ARHGAP12: variants seen among roughly 807,000 people sequenced by gnomAD.
ARHGAP12 encodes the protein rho GTPase-activating protein 12.
ARHGAP12 carries 64 observed loss-of-function variants against 108.6 expected under a neutral mutation model. That is an observed-to-expected ratio of 0.59 (90% CI 0.48 to 0.73). The LOEUF is 0.73. ARHGAP12 is among the 30% of genes least tolerant of loss of function. ARHGAP12 has a pLI of 0.00. For synonymous variants in ARHGAP12, 312 were observed against 337.2 expected, an observed-to-expected ratio of 0.93 and a Z score of 0.82; for missense variants, 940 against 1,005.9, an observed-to-expected ratio of 0.93 and a Z score of 0.89.
At chr10:31,918,695 G>C (rs1037965387) in intron 1 of ARHGAP12, among the ~76,000 whole-genome samples, 1 of 152,208 alleles carries the variant, frequency 6.6e-6, no homozygotes, top group African/African-American at 2.4e-5. Context: ...AACAGAGTGA[G>C]ACCCTGTCTC....
chr10:31,926,152 T>A (rs1840029663), intron 1 of ARHGAP12, among the ~76,000 whole-genome samples: 1 of 152,144 alleles, frequency 6.6e-6, no homozygotes, highest in South Asian at 2.1e-4. Flanking sequence ...AGCACTAGAT[T>A]ATCAACAGGG....
At chr10:31,849,499 G>T (rs904320228) in intron 6 of ARHGAP12, among the ~76,000 whole-genome samples, 2 of 152,138 alleles carry the variant, frequency 1.3e-5, no homozygotes, top group Admixed American at 6.5e-5. Context: ...CTGCATGGGG[G>T]TTACAAGCTT....
chr10:31,823,476 CAA>C (rs529281463), intron 11 of ARHGAP12, among the ~76,000 whole-genome samples: 14 of 128,038 alleles, frequency 1.1e-4, no homozygotes, highest in East Asian at 2.2e-4. Flanking sequence ...CACTCTCTGC[CAA>C]AAAAAAAAAA....
intron 10 of ARHGAP12, among the ~76,000 whole-genome samples, chr10:31,827,803 AC>A (rs1164932865): frequency 0.035 from 5,197 of 149,146 alleles, 383 homozygotes; most frequent in African/African-American, 0.12. Context: ...AGAAAAAAAA[AC>A]AAAAACAAAA....
intron 11 of ARHGAP12, among the ~76,000 whole-genome samples, chr10:31,825,073 T>C (rs928894315): frequency 6.6e-6 from 1 of 152,106 alleles, no homozygotes; most frequent in African/African-American, 2.4e-5. Context: ...TCATTTCCAC[T>C]GGAATGGCTG....
chr10:31,840,308 T>G (rs946112292), intron 7 of ARHGAP12, among the ~76,000 whole-genome samples: 2 of 151,890 alleles, frequency 1.3e-5, no homozygotes, highest in African/African-American at 4.8e-5. Context: ...AAAAAAAATT[T>G]TAATGTCTAA....
chr10:31,885,411 T>C (rs1838154896), intron 3 of ARHGAP12, among the ~76,000 whole-genome samples: 1 of 152,220 alleles, frequency 6.6e-6, no homozygotes, highest in Admixed American at 6.5e-5. Context: ...TCAGTCAGAA[T>C]AGCCTCTGGC....
intron 6 of ARHGAP12, among the ~76,000 whole-genome samples, chr10:31,851,013 G>A (rs1402365291): frequency 6.6e-6 from 1 of 152,066 alleles, no homozygotes; most frequent in Non-Finnish European, 1.5e-5. Flanking sequence ...TTTTTATTTG[G>A]ATCTTTTTCA....
intron 3 of ARHGAP12, among the ~76,000 whole-genome samples, chr10:31,881,083 T>A (rs1214508206): frequency 6.6e-6 from 1 of 151,540 alleles, no homozygotes; most frequent in Non-Finnish European, 1.5e-5. Context: ...CAGGTGATTC[T>A]CCTACCTCAG....
At chr10:31,847,683 T>C (rs904349159) in intron 6 of ARHGAP12, among the ~76,000 whole-genome samples, 18 of 152,174 alleles carry the variant, frequency 1.2e-4, no homozygotes, top group South Asian at 4.2e-4. Context: ...ATTTAGTGCA[T>C]AGGGAGGATG....
At chr10:31,885,536 T>TG (rs1160256918) in intron 3 of ARHGAP12, among the ~76,000 whole-genome samples, 3 of 151,980 alleles carry the variant, frequency 2.0e-5, no homozygotes, top group Non-Finnish European at 4.4e-5. Context: ...AACAGACAAA[T>TG]GGCCAGGCAT....
chr10:31,926,062 G>C (rs1840024474), intron 1 of ARHGAP12, among the ~76,000 whole-genome samples: 1 of 152,160 alleles, frequency 6.6e-6, no homozygotes, highest in African/African-American at 2.4e-5. Context: ...GCAGTGGTCT[G>C]TGGTCTGGCA....
At position 31,908,368 on chromosome 10, in the gene ARHGAP12, G is replaced by A. The variant is rs759369043; in HGVS notation, c.488C>T (p.Ser163Leu). Residue 163 changes from serine (S) to leucine (L), a missense_variant, in exon 3 of 20, where the codon TCA becomes TTA. Coordinates refer to ENST00000344936, the MANE Select transcript of ARHGAP12 (RefSeq NM_018287.7). Reference sequence around the variant, plus strand: ...CTGGCTGGAAACTTTAGGAGAATGTGAGTCATTGTTAAACTTTCCGTTATT... The same window carrying A: ...CTGGCTGGAAACTTTAGGAGAATGTAAGTCATTGTTAAACTTTCCGTTATT... ...THNNGKFNND[S>L]HSPKVSSQNR... is the part of the protein sequence containing the mutation. 3.1e-6 allele frequency: 5 copies of A among 1,614,180 alleles called. No individual in the cohort carries two copies. The highest frequency in any genetic ancestry group is 1.6e-4 in the Middle Eastern group (1 of 6,062).
intron 2 of ARHGAP12, among the ~76,000 whole-genome samples, chr10:31,909,278 A>G (rs1230630006): frequency 6.6e-6 from 1 of 152,168 alleles, no homozygotes; most frequent in Non-Finnish European, 1.5e-5. Flanking sequence ...AATAACTAAT[A>G]TGCATTTACT....
Position 31,812,691 on chromosome 10 carries a change from T to C in ARHGAP12, c.1951+16A>G. 6.7e-7 allele frequency: 1 copy of C among 1,496,722 alleles called. No homozygotes were observed. The highest frequency in any genetic ancestry group is 1.2e-5 in the South Asian group (1 of 84,848). 92.7% of individuals were successfully genotyped at this position (1,496,722 alleles called of 1,614,324 possible). On this transcript the variant is annotated intron_variant, in intron 15 of 19. Transcript: ENST00000344936. ...GGCCAACATTCATTATTATCAACAA[T>C]ACTTCTCCTACCAACCTTTAATATA...
rs1215262991 is a variant in ARHGAP12, at chr10:31,908,726, T to C, written c.130A>G (p.Lys44Glu). 1 of 1,614,154 alleles carries C rather than the reference T, an allele frequency of 6.2e-7. No homozygotes were observed. Among genetic ancestry groups the C allele is most frequent in the South Asian group, 1.1e-5 (1 of 91,086 alleles). ...IKQGERYILV[K>E]KTNDDWWQVK... ...TGCCACCAGTCATCATTGGTCTTTT[T>C]CACCAAGATGTACCTCTCCCCTTGT... The change falls in exon 3 of 20, where the codon AAA becomes GAA. Residue 44 changes from lysine to glutamate, a missense_variant. Lys to Glu is a moderately conservative substitution (Grantham distance 56). Transcript: ENST00000344936.
intron 16 of ARHGAP12, among the ~76,000 whole-genome samples, chr10:31,810,302 C>CCT (rs765600147): frequency 1.3e-5 from 2 of 152,066 alleles, no homozygotes; most frequent in Non-Finnish European, 2.9e-5. Flanking sequence ...AACACAATCT[C>CCT]CTCGGATCTT....
intron 6 of ARHGAP12, among the ~76,000 whole-genome samples, chr10:31,848,049 G>A (rs952874457): frequency 6.6e-6 from 1 of 152,148 alleles, no homozygotes; most frequent in African/African-American, 2.4e-5. Context: ...AGGCTAGCCT[G>A]GGCACATTCT....
In ARHGAP12 at chr10:31,854,124, G is replaced by C; in HGVS notation, c.1031C>G (p.Ser344Ter). 2 of 1,613,862 alleles carry C rather than the reference G, an allele frequency of 1.2e-6. No homozygotes were observed. Among genetic ancestry groups the C allele is most frequent in the Non-Finnish European group, 1.7e-6 (2 of 1,179,904 alleles). The change falls in exon 5 of 20, where the codon TCA becomes TGA. Residue 344 changes from serine (S) to a stop codon, truncating the protein, a stop_gained. Transcript: ENST00000344936. LOFTEE classifies it high-confidence loss of function. ...SQCGSPPRGW[S>*]EELDERGHTL... ...ATGCCCACGTTCATCCAACTCTTCT[G>C]ACCAACCCCTTGGAGGAGAACCACA...
Sources: gnomAD v4.1 joint callset for allele counts (sites outside exome capture counted in the v4.1 genomes callset) on GRCh38, gnomAD v4.1.1 for gene constraint, MANE v1.5 for transcripts, NCBI Gene and HGNC (gene_info 2026-07-23, HGNC 2026-07-21) for gene names.